Variants in KPNA4 observed in about 807,000 individuals in gnomAD.
KPNA4 encodes karyopherin subunit alpha 4, also known as importin subunit alpha-3.
A neutral mutation model predicts 71.3 loss-of-function variants in KPNA4; 13 were observed. The observed-to-expected ratio is 0.18, with a 90% CI of 0.12 to 0.29. The LOEUF is 0.29. Ranked by LOEUF, KPNA4 falls within the 10% of genes least tolerant of loss-of-function variation. The probability of loss-of-function intolerance (pLI) is 1.00; values close to 1 mark genes in which losing one functional copy is unlikely to be tolerated. For synonymous variants in KPNA4, 189 were observed against 195.2 expected (o/e 0.97, Z 0.26); for missense variants, 334 against 603.2 (o/e 0.55, Z 4.67).
intron 15 of KPNA4, among the ~76,000 whole-genome samples, chr3:160,505,275 G>T (rs1720961121): frequency 6.6e-6 from 1 of 152,054 alleles, no homozygotes; most frequent in Admixed American, 6.6e-5. Context: ...GCTTGTAAAT[G>T]TACAAATAAG....
In KPNA4 at chr3:160,498,287, T is replaced by C. The variant is rs541561769; in HGVS notation, c.*3817A>G. 2 of 152,332 alleles carry C rather than the reference T, an allele frequency of 1.3e-5. No homozygotes were observed. The highest frequency in any genetic ancestry group is 4.1e-4 in the South Asian group (2 of 4,830). 9.4% of individuals were successfully genotyped at this position (152,332 alleles called of 1,614,324 possible). A position where few individuals can be genotyped will look rare whatever the true frequency, so the allele number is the denominator to read the frequency against. On this transcript the variant is annotated 3_prime_UTR_variant, in exon 17 of 17. Coordinates refer to ENST00000334256, the MANE Select transcript of KPNA4 (RefSeq NM_002268.5). Reference sequence around the variant, plus strand: ...CTCAGAGGCAACCTTGATCCCCAAATAAGCTTGCTATGATAACTATATAAG... The same window carrying C: ...CTCAGAGGCAACCTTGATCCCCAAACAAGCTTGCTATGATAACTATATAAG...
chr3:160,512,390 A>G (rs1721113824), intron 13 of KPNA4, among the ~76,000 whole-genome samples: 4 of 152,334 alleles, frequency 2.6e-5, no homozygotes, highest in Middle Eastern at 6.8e-3. Context: ...CTTGCAAAAT[A>G]TATTTTAAAA....
chr3:160,556,796 A>G (rs919057428), intron 1 of KPNA4, among the ~76,000 whole-genome samples: 1 of 152,226 alleles, frequency 6.6e-6, no homozygotes, highest in African/African-American at 2.4e-5. Flanking sequence ...AAAATTATTC[A>G]CAACATTAAG....
intron 1 of KPNA4, among the ~76,000 whole-genome samples, chr3:160,556,556 A>C: frequency 6.6e-6 from 1 of 152,326 alleles, no homozygotes. Context: ...TGGGAACACA[A>C]GTGTTTCAGA....
intron 1 of KPNA4, chr3:160,564,608 G>GC: frequency 6.6e-6 from 1 of 152,294 alleles, no homozygotes; most frequent in South Asian, 2.1e-4. Context: ...GGCCTCTCAC[G>GC]CCGGGGGTGT....
intron 1 of KPNA4, among the ~76,000 whole-genome samples, chr3:160,546,804 T>C (rs1298073932): frequency 6.6e-6 from 1 of 152,168 alleles, no homozygotes; most frequent in African/African-American, 2.4e-5. Flanking sequence ...ACTCAAGACT[T>C]AGAGCTTCTA....
Position 160,506,342 on chromosome 3 carries a change from A to G in KPNA4, c.1373-1290T>C, listed in dbSNP as rs183273400. Among the ~76,000 whole-genome samples, 73 of 152,034 alleles carry G rather than the reference A, an allele frequency of 4.8e-4. No homozygotes were observed. In the East Asian group the frequency reaches 0.013, roughly 27 times the overall value. On this transcript the variant is annotated intron_variant, in intron 15 of 16. Transcript: ENST00000334256. ...CGCTACCACACCCAGCTAATGTTTC[A>G]TATTTTTAGTAGAGACGGGGTTTCA...
At chr3:160,510,287 T>C (rs1358439093) in intron 13 of KPNA4, among the ~76,000 whole-genome samples, 3 of 152,180 alleles carry the variant, frequency 2.0e-5, no homozygotes, top group African/African-American at 7.2e-5. Flanking sequence ...TGTTATACAT[T>C]GCCTTTTCAA....
chr3:160,519,672 G>A (rs562273899), intron 11 of KPNA4, among the ~76,000 whole-genome samples: 3 of 151,574 alleles, frequency 2.0e-5, no homozygotes, highest in East Asian at 1.9e-4. Context: ...GTGGGCGCCT[G>A]TAGTCCCAGC....
intron 11 of KPNA4, among the ~76,000 whole-genome samples, chr3:160,520,696 T>C (rs1032736121): frequency 6.6e-6 from 1 of 152,162 alleles, no homozygotes; most frequent in Non-Finnish European, 1.5e-5. Context: ...TTCTAAGAAA[T>C]ATTTTCTGAA....
chr3:160,511,722 A>G (rs1721098625), intron 13 of KPNA4, among the ~76,000 whole-genome samples: 1 of 149,234 alleles, frequency 6.7e-6, no homozygotes. Context: ...TTTTATATAT[A>G]TATATATAAA....
chr3:160,558,166 G>C (rs1722177283), intron 1 of KPNA4, among the ~76,000 whole-genome samples: 1 of 152,066 alleles, frequency 6.6e-6, no homozygotes, highest in Non-Finnish European at 1.5e-5. Context: ...TTAAAACATA[G>C]GATTAAAGAA....
At position 160,565,350 on chromosome 3, in the gene KPNA4, G is replaced by A; in HGVS notation, c.-68C>T. The A allele has an allele frequency of 7.6e-7, 1 of 1,320,790 alleles. No homozygotes were observed. Among genetic ancestry groups the A allele is most frequent in the Non-Finnish European group, 1.1e-6 (1 of 941,506 alleles). The allele number at this position is 1,320,790 out of a possible 1,614,324, so 81.8% of individuals were successfully genotyped here. ...TCCGCCCCAACCAACGCGCCGCACCGACACTCCCAGGAACCGGGCCGCCGC... is the reference window on the plus strand; with the variant it reads ...TCCGCCCCAACCAACGCGCCGCACCAACACTCCCAGGAACCGGGCCGCCGC... On this transcript the variant is annotated 5_prime_UTR_variant, in exon 1 of 17. Transcript: ENST00000334256.
At chr3:160,557,495 G>A (rs1486556947) in intron 1 of KPNA4, among the ~76,000 whole-genome samples, 1 of 152,040 alleles carries the variant, frequency 6.6e-6, no homozygotes, top group Non-Finnish European at 1.5e-5. Context: ...TACTATCTTA[G>A]GATTCCGACT....
intron 1 of KPNA4, among the ~76,000 whole-genome samples, chr3:160,550,499 A>G (rs1453228392): frequency 6.6e-6 from 1 of 152,180 alleles, no homozygotes; most frequent in African/African-American, 2.4e-5. Flanking sequence ...TCCTGGGCTC[A>G]AGTGATTCTC....
intron 1 of KPNA4, among the ~76,000 whole-genome samples, chr3:160,544,675 A>G (rs1054956616): frequency 2.8e-4 from 42 of 152,248 alleles, no homozygotes; most frequent in African/African-American, 1.0e-3. Flanking sequence ...AAATTACCGA[A>G]GAAGAGTAAG....
At chr3:160,518,039 A>AAT (rs1424878575) in intron 11 of KPNA4, among the ~76,000 whole-genome samples, 1 of 151,928 alleles carries the variant, frequency 6.6e-6, no homozygotes, top group Non-Finnish European at 1.5e-5. Flanking sequence ...ACCACTGTCT[A>AAT]ATCTAGGGTC....
At chr3:160,561,210 A>G (rs1473013736) in intron 1 of KPNA4, among the ~76,000 whole-genome samples, 1 of 152,010 alleles carries the variant, frequency 6.6e-6, no homozygotes, top group Non-Finnish European at 1.5e-5. Flanking sequence ...TTTATGCTCT[A>G]TTTGAACCTA....
In KPNA4 at chr3:160,533,541, A is replaced by T. The variant is rs564669324; in HGVS notation, c.287+1972T>A. ...CAAGGGTCAAAATTTAATTTAAAAA[A>T]TTTTTTTTACACTTCACTGAGGATA... On this transcript the variant is annotated intron_variant, in intron 5 of 16. Coordinates refer to ENST00000334256, the MANE Select transcript of KPNA4 (RefSeq NM_002268.5). Among the ~76,000 whole-genome samples, 34 of 151,906 alleles carry T rather than the reference A, an allele frequency of 2.2e-4. 2 individuals are homozygous for T. The highest frequency in any genetic ancestry group is 3.4e-3 in the Middle Eastern group (1 of 292).
Sources: gnomAD v4.1 joint callset for allele counts (sites outside exome capture counted in the v4.1 genomes callset) on GRCh38, gnomAD v4.1.1 for gene constraint, MANE v1.5 for transcripts, NCBI Gene and HGNC (gene_info 2026-07-23, HGNC 2026-07-21) for gene names.